The following MINK1 variants were observed in gnomAD, a reference collection of about 807,000 sequenced individuals.
The protein encoded by MINK1 is misshapen-like kinase 1.
In MINK1, 46 loss-of-function variants were observed where a neutral mutation model predicts 178.4. The observed-to-expected ratio is 0.26, with a 90% CI of 0.20 to 0.33. MINK1 has a LOEUF of 0.33. Among genes scored for constraint, MINK1 ranks in the 10% least tolerant of loss-of-function variants. MINK1 has a pLI of 1.00. For synonymous variants in MINK1, 797 were observed against 709.7 expected (o/e 1.12, Z -1.96); for missense variants, 1,366 against 1,814.9 (o/e 0.75, Z 4.49).
At chr17:4,872,295 A>G (rs1263297547) in intron 1 of MINK1, among the ~76,000 whole-genome samples, 1 of 149,978 alleles carries the variant, frequency 6.7e-6, no homozygotes, top group Non-Finnish European at 1.5e-5. Context: ...GCACCACTGC[A>G]CTCCAGCCTG....
intron 15 of MINK1, 130 bp downstream of exon 15, chr17:4,891,254 G>GCCTGTGCTCTGTAATC: frequency 8.6e-7 from 1 of 1,162,210 alleles, no homozygotes; most frequent in South Asian, 1.6e-5. Flanking sequence ...GGATTACAGA[G>GCCTGTGCTCTGTAATC]CACAGGCTTT....
rs376129308 is a variant in MINK1 at position 4,872,456 on chromosome 17, G to C, written c.58-5861G>C. Among the ~76,000 whole-genome samples the C allele has an allele frequency of 1.6e-4, 25 of 151,966 alleles. No homozygotes were observed. In the East Asian group the frequency reaches 2.7e-3, roughly 17 times the overall value. ...GATTCAAGACCAGCCTGGGCAACAC[G>C]GTGAAACCCCGTCTACATAAAAAGT... is the stretch of plus-strand genomic sequence containing the variant. On this transcript the variant is annotated intron_variant, in intron 1 of 31. Transcript: ENST00000355280.
chr17:4,841,559 A>G (rs909808730), intron 1 of MINK1, among the ~76,000 whole-genome samples: 10 of 146,882 alleles, frequency 6.8e-5, no homozygotes, highest in Non-Finnish European at 1.5e-4. Flanking sequence ...TGATCACATC[A>G]TCCACTTTCT....
intron 1 of MINK1, among the ~76,000 whole-genome samples, chr17:4,875,920 C>T (rs908415243): frequency 3.3e-5 from 5 of 151,192 alleles, no homozygotes; most frequent in African/African-American, 7.3e-5. Flanking sequence ...CTCAGCCTCC[C>T]GAGTAGCTGT....
At chr17:4,863,381 T>C (rs1914480650) in intron 1 of MINK1, among the ~76,000 whole-genome samples, 1 of 152,224 alleles carries the variant, frequency 6.6e-6, no homozygotes, top group South Asian at 2.1e-4. Flanking sequence ...ATGCACTCTT[T>C]GGCATCTTCC....
In MINK1 at chr17:4,891,077, ACTC is replaced by A. The variant is rs1222838895; in HGVS notation, c.1699_1701del (p.Pro567del). 14 of 1,552,242 alleles carry A rather than the reference ACTC, an allele frequency of 9.0e-6. No individual in the cohort carries two copies. The highest frequency in any genetic ancestry group is 1.2e-5 in the Non-Finnish European group (14 of 1,148,460). On this transcript the variant is annotated inframe_deletion, in exon 15 of 32. Transcript: ENST00000355280. ...AGGGCCCCCAGGACCCCTTTCCCAG[ACTC>A]CTCCTATGCAGAGGCCGGTGGAGCC...
rs745794044 is a variant in MINK1, at chr17:4,891,595, C to T, written c.1880C>T (p.Thr627Ile). The change falls in exon 16 of 32, where the codon ACT (threonine) becomes ATT (isoleucine). Residue 627 changes from threonine (T) to isoleucine (I), a missense_variant. Thr to Ile is a moderately conservative substitution (Grantham distance 89, BLOSUM62 -1). Around this residue, in one of 14 missense-constraint regions of MINK1, gnomAD observed 709 missense variants for 692.3 expected, o/e 1.02. Coordinates refer to ENST00000355280, the MANE Select transcript of MINK1 (RefSeq NM_153827.5). ...HDPDPAIPAPTATPSARGAVI... is the reference protein window; with the variant it reads ...HDPDPAIPAPIATPSARGAVI... ...CCCGACCCTGCCATCCCCGCACCCA[C>T]TGCCACGCCCAGTGCCCGAGGAGCT... 3.7e-6 allele frequency: 6 copies of T among 1,604,792 alleles called. No individual in the cohort carries two copies. In the Admixed American group the frequency reaches 8.5e-5, roughly 23 times the overall value.
chr17:4,891,399 G>A (rs552930276), intron 15 of MINK1, 57 bp from the exon 16 acceptor site: 28 of 1,506,430 alleles, frequency 1.9e-5, no homozygotes, highest in South Asian at 5.4e-5. Flanking sequence ...ACCCCAATTC[G>A]CAGGTGGGGA....
At position 4,885,853 on chromosome 17, in the gene MINK1, G is replaced by A; in HGVS notation, c.640-58G>A. ...GAGAGGCCAGGATGGTGGGTGAAGAGAGGTTGCAGGGCAGAGTTGTCAGGA... is the reference window on the plus strand; with the variant it reads ...GAGAGGCCAGGATGGTGGGTGAAGAAAGGTTGCAGGGCAGAGTTGTCAGGA... On this transcript the variant is annotated intron_variant, in intron 7 of 31. Coordinates refer to ENST00000355280, the MANE Select transcript of MINK1 (RefSeq NM_153827.5). The surrounding 1 kb of genome is among the most constrained non-coding windows in gnomAD (Gnocchi z 5.0). 2 of 1,588,144 alleles carry A rather than the reference G, an allele frequency of 1.3e-6. No individual in the cohort carries two copies. Among genetic ancestry groups the A allele is most frequent in the Non-Finnish European group, 1.7e-6 (2 of 1,159,310 alleles).
rs189847909 is a variant in MINK1, at chr17:4,890,318, C to T, written c.1348-199C>T. Reference sequence around the variant, plus strand: ...ACAGGCCCTGCTGCTGGTAACGGGTCCCTCAGCGTCCTCTGGGAAGATGCT... The same window carrying T: ...ACAGGCCCTGCTGCTGGTAACGGGTTCCTCAGCGTCCTCTGGGAAGATGCT... On this transcript the variant is annotated intron_variant, in intron 13 of 31. Coordinates refer to ENST00000355280, the MANE Select transcript of MINK1 (RefSeq NM_153827.5). The T allele has an allele frequency of 7.1e-5, 99 of 1,402,316 alleles. No homozygotes were observed. In the African/African-American group the frequency reaches 1.3e-3, roughly 18 times the overall value. The allele number at this position is 1,402,316 out of a possible 1,614,324, so 86.9% of individuals were successfully genotyped here.
At chr17:4,858,090 T>C (rs1913489505) in intron 1 of MINK1, among the ~76,000 whole-genome samples, 1 of 152,136 alleles carries the variant, frequency 6.6e-6, no homozygotes, top group Non-Finnish European at 1.5e-5. Flanking sequence ...GTTTTAAAGC[T>C]CCATTTGCAT....
intron 1 of MINK1, among the ~76,000 whole-genome samples, chr17:4,865,665 T>C (rs576107467): frequency 6.6e-4 from 98 of 148,810 alleles, no homozygotes; most frequent in Non-Finnish European, 1.9e-4. Flanking sequence ...GGAGGATCGC[T>C]TGAGCCCAGA....
intron 21 of MINK1, 67 bp from the exon 22 acceptor site, chr17:4,893,921 C>T: frequency 1.5e-6 from 2 of 1,327,728 alleles, no homozygotes; most frequent in Non-Finnish European, 2.0e-6. Flanking sequence ...TGGCTGCCAT[C>T]TGCTGCCTTT....
Position 4,894,320 on chromosome 17 carries a change from G to C in MINK1, c.2808+9G>C. ...AGGATGGGAGTGGTGACGTAAGTGG[G>C]CCGGAGGCAGGTCCGCCGGGAGAGA... On this transcript the variant is annotated intron_variant, in intron 23 of 31. Transcript: ENST00000355280. This position sits in a 1 kb window ranked among gnomAD's most constrained non-coding sequence, Gnocchi z 4.1. The C allele has an allele frequency of 6.2e-7, 1 of 1,610,236 alleles. No individual in the cohort carries two copies. Among genetic ancestry groups the C allele is most frequent in the African/African-American group, 1.3e-5 (1 of 74,962 alleles).
Position 4,887,906 on chromosome 17 carries a change from GA to G in MINK1, c.1230+119del. The G allele has an allele frequency of 2.5e-6, 2 of 800,290 alleles. No homozygotes were observed. The highest frequency in any genetic ancestry group is 3.7e-6 in the Non-Finnish European group (2 of 546,630). The allele number at this position is 800,290 out of a possible 1,614,324, so 49.6% of individuals were successfully genotyped here. The stretch of plus-strand genomic sequence containing the variant: ...GCCTTAAATGAATGGCATTTCTGTT[GA>G]AACAATTATATGATTTCAAATTTCA... On this transcript the variant is annotated intron_variant, in intron 12 of 31. Transcript: ENST00000355280. The surrounding 1 kb of genome is among the most constrained non-coding windows in gnomAD (Gnocchi z 7.6).
intron 2 of MINK1, 75 bp from the exon 3 acceptor site, chr17:4,880,909 A>G: frequency 1.4e-6 from 2 of 1,381,014 alleles, no homozygotes; most frequent in Non-Finnish European, 9.5e-7. Context: ...CAAAAAAAAA[A>G]GCTGTGTCTC....
intron 1 of MINK1, among the ~76,000 whole-genome samples, chr17:4,840,849 G>A (rs757643406): frequency 2.6e-5 from 4 of 152,158 alleles, no homozygotes; most frequent in Non-Finnish European, 5.9e-5. Flanking sequence ...GCCAGGCTCT[G>A]GGACCAGCTT....
rs780458064 is a variant in MINK1, at chr17:4,894,373, C to T, written c.2808+62C>T. The T allele has an allele frequency of 4.3e-5, 68 of 1,574,590 alleles. No individual in the cohort carries two copies. Among genetic ancestry groups the T allele is most frequent in the South Asian group, 2.0e-4 (17 of 85,964 alleles). ...AGCCCTGGCGATGGGCAGGAGGTCC[C>T]GGTGCTGGGTAACGGCAGAGGATGG... On this transcript the variant is annotated intron_variant, in intron 23 of 31. Coordinates refer to ENST00000355280, the MANE Select transcript of MINK1 (RefSeq NM_153827.5). The surrounding 1 kb of genome is among the most constrained non-coding windows in gnomAD (Gnocchi z 4.1).
Position 4,893,473 on chromosome 17 carries a change from C to T in MINK1, c.2440C>T (p.Pro814Ser). ...LLKERTLDEAPRPPKKAMDYS... is the reference protein window; with the variant it reads ...LLKERTLDEASRPPKKAMDYS... The stretch of plus-strand genomic sequence containing the variant: ...GAAAGAGCGGACTCTGGACGAGGCC[C>T]CTCGGCCTCCCAAGAAGGCCATGGA... The change falls in exon 21 of 32, where the codon CCT (proline) becomes TCT (serine). Residue 814 changes from proline (P) to serine (S), a missense_variant. Pro to Ser is a moderately conservative substitution (Grantham distance 74). Around this residue, in one of 14 missense-constraint regions of MINK1, gnomAD observed 709 missense variants for 692.3 expected, o/e 1.02. Coordinates refer to ENST00000355280, the MANE Select transcript of MINK1 (RefSeq NM_153827.5). 2 of 1,594,752 alleles carry T rather than the reference C, an allele frequency of 1.3e-6. No individual in the cohort carries two copies. The highest frequency in any genetic ancestry group is 1.7e-4 in the Middle Eastern group (1 of 6,014).
Sources: gnomAD v4.1 joint callset for allele counts (sites outside exome capture counted in the v4.1 genomes callset) on GRCh38, gnomAD v4.1.1 for gene constraint, gnomAD v4.1.1 regional missense constraint, Gnocchi (gnomAD v3.1) non-coding constraint, MANE v1.5 for transcripts, NCBI Gene and HGNC (gene_info 2026-07-23, HGNC 2026-07-21) for gene names.